The following MIB1 variants were observed in gnomAD, a reference collection of about 807,000 sequenced individuals.
MIB1 encodes the protein E3 ubiquitin-protein ligase MIB1.
MIB1 carries 278 observed loss-of-function variants against 124.5 expected under a neutral mutation model. The ratio of observed to expected loss-of-function variants is 2.23; its 90% CI spans 2.02 to 2.47. MIB1 has a LOEUF of 2.47. Among genes scored for constraint, MIB1 ranks in the 30% most tolerant of loss-of-function variants. The pLI is 0.00. For synonymous variants in MIB1, 446 were observed against 429.4 expected (o/e 1.04, Z -0.48); for missense variants, 957 against 1,254.4 (o/e 0.76, Z 3.58).
chr18:21,832,113 A>G (rs936993178), intron 12 of MIB1, among the ~76,000 whole-genome samples: 7 of 152,184 alleles, frequency 4.6e-5, no homozygotes, highest in African/African-American at 9.6e-5. Context: ...TGTAAATGAA[A>G]TCTTAGAAGT....
intron 1 of MIB1, among the ~76,000 whole-genome samples, chr18:21,746,516 ATTAG>A (rs2040914944): frequency 6.6e-6 from 1 of 152,198 alleles, no homozygotes; most frequent in African/African-American, 2.4e-5. Flanking sequence ...ATGTTATTTA[ATTAG>A]TTTGGACTAA....
At chr18:21,850,350 CTT>C (rs745655969) in intron 17 of MIB1, among the ~76,000 whole-genome samples, 13 of 152,202 alleles carry the variant, frequency 8.5e-5, no homozygotes, top group Middle Eastern at 3.4e-3. Flanking sequence ...AGTTTATACT[CTT>C]TTTCCATTCC....
At chr18:21,735,526 C>G (rs935291625) in intron 1 of MIB1, among the ~76,000 whole-genome samples, 2 of 151,548 alleles carry the variant, frequency 1.3e-5, no homozygotes, top group Non-Finnish European at 2.9e-5. Context: ...CAAGACAGAA[C>G]CGTTCACTCG....
intron 10 of MIB1, among the ~76,000 whole-genome samples, chr18:21,808,485 C>T (rs368768824): frequency 9.2e-5 from 14 of 152,278 alleles, no homozygotes; most frequent in East Asian, 5.8e-4. Context: ...GTTGCTGGCC[C>T]GTAGCATAGA....
rs749947176 is a variant in MIB1, at chr18:21,844,279, G to A, written c.2211+26G>A. 3 of 1,608,646 alleles carry A rather than the reference G, an allele frequency of 1.9e-6. No homozygotes were observed. In the South Asian group the frequency reaches 3.3e-5, roughly 18 times the overall value. ...GTGAGTAAAGATCATCTTTCATTCA[G>A]TACCAGTGGAAGAATCTTTTCATGC... On this transcript the variant is annotated intron_variant, in intron 15 of 20. Transcript: ENST00000261537.
intron 11 of MIB1, 67 bp from the exon 12 acceptor site, chr18:21,819,417 CTTAGCATTTGG>C: frequency 1.2e-6 from 1 of 854,500 alleles, no homozygotes; most frequent in Non-Finnish European, 1.8e-6. Flanking sequence ...CTTCTGTTTG[CTTAGCATTTGG>C]TGTAAGTATT....
intron 10 of MIB1, among the ~76,000 whole-genome samples, chr18:21,806,385 A>G (rs1030062876): frequency 6.6e-6 from 1 of 151,726 alleles, no homozygotes; most frequent in Non-Finnish European, 1.5e-5. Context: ...AAATTTTTAT[A>G]AAGAGATGGT....
At chr18:21,812,706 T>C (rs1259478685) in intron 10 of MIB1, among the ~76,000 whole-genome samples, 3 of 151,942 alleles carry the variant, frequency 2.0e-5, no homozygotes, top group Non-Finnish European at 2.9e-5. Context: ...GGAGAGAGAA[T>C]AGGGCAGGGG....
At chr18:21,769,397 A>C (rs1568193831) in intron 3 of MIB1, among the ~76,000 whole-genome samples, 1 of 152,208 alleles carries the variant, frequency 6.6e-6, no homozygotes, top group Non-Finnish European at 1.5e-5. Flanking sequence ...CAGTTGAATA[A>C]AAACGGTACA....
At chr18:21,744,104 T>G (rs1180427430) in intron 1 of MIB1, among the ~76,000 whole-genome samples, 1 of 150,358 alleles carries the variant, frequency 6.7e-6, no homozygotes, top group Non-Finnish European at 1.5e-5. Context: ...AGGGTTTTTT[T>G]TTTTTTTTTT....
At chr18:21,755,593 G>A (rs2041022938) in intron 1 of MIB1, among the ~76,000 whole-genome samples, 1 of 152,178 alleles carries the variant, frequency 6.6e-6, no homozygotes, top group Non-Finnish European at 1.5e-5. Flanking sequence ...GGGATTACGG[G>A]CGTGAGCCAC....
At chr18:21,803,876 A>G (rs1568208788) in intron 9 of MIB1, 31 bp from the exon 10 acceptor site, 2 of 1,510,110 alleles carry the variant, frequency 1.3e-6, no homozygotes, top group African/African-American at 2.8e-5. Context: ...TTATTCATTC[A>G]TTCTTTCATT....
At chr18:21,835,475 A>G (rs935181053) in intron 12 of MIB1, among the ~76,000 whole-genome samples, 2 of 152,126 alleles carry the variant, frequency 1.3e-5, no homozygotes, top group African/African-American at 2.4e-5. Flanking sequence ...AAGATCAAGA[A>G]TATAGGAGGA....
At chr18:21,829,021 A>G (rs772171181) in intron 12 of MIB1, 2 of 480,002 alleles carry the variant, frequency 4.2e-6, no homozygotes, top group Admixed American at 2.3e-5. Context: ...AAAAATACAT[A>G]CTTCTTTACA....
In MIB1 at chr18:21,870,853, T is replaced by C. The variant is rs975283608; in HGVS notation, c.*6187T>C. 5 of 152,344 alleles carry C rather than the reference T, an allele frequency of 3.3e-5. No homozygotes were observed. The highest frequency in any genetic ancestry group is 9.6e-5 in the African/African-American group (4 of 41,576). The allele number at this position is 152,344 out of a possible 1,614,324, so 9.4% of individuals were successfully genotyped here. A position where few individuals can be genotyped will look rare whatever the true frequency, so the allele number is the denominator to read the frequency against. ...TTATTTTGAGTAACCTCTAATTAAC[T>C]GTATTTTTTTGTTTCTGTTGCTGTA... On this transcript the variant is annotated 3_prime_UTR_variant, in exon 21 of 21. Transcript: ENST00000261537.
intron 1 of MIB1, among the ~76,000 whole-genome samples, chr18:21,711,277 A>G (rs904128222): frequency 3.3e-5 from 5 of 151,924 alleles, no homozygotes; most frequent in Non-Finnish European, 7.4e-5. Context: ...TTATTTATTT[A>G]TTTATTTTTA....
intron 1 of MIB1, among the ~76,000 whole-genome samples, chr18:21,717,477 A>G (rs941634231): frequency 6.6e-6 from 1 of 152,216 alleles, no homozygotes; most frequent in Non-Finnish European, 1.5e-5. Context: ...AGTGGGAGAA[A>G]ACCTTAACAA....
intron 10 of MIB1, among the ~76,000 whole-genome samples, chr18:21,804,533 AAG>A (rs2041683031): frequency 6.6e-6 from 1 of 152,258 alleles, no homozygotes; most frequent in African/African-American, 2.4e-5. Context: ...ATTCTTATAA[AAG>A]AGAAACACTT....
intron 3 of MIB1, among the ~76,000 whole-genome samples, chr18:21,769,801 G>T (rs970423131): frequency 1.3e-5 from 2 of 152,134 alleles, no homozygotes; most frequent in East Asian, 1.9e-4. Flanking sequence ...GAACTTCCTG[G>T]TTTTTTCTGT....
Sources: allele counts gnomAD v4.1 joint callset (sites outside exome capture counted in the v4.1 genomes callset), GRCh38; gene constraint gnomAD v4.1.1; transcripts MANE v1.5; gene names NCBI Gene and HGNC (gene_info 2026-07-23, HGNC 2026-07-21).